Variants in ZNF280D observed in about 807,000 individuals in gnomAD.
The protein encoded by ZNF280D is suppressor of hairy wing homolog 4.
ZNF280D carries 39 observed loss-of-function variants against 94.7 expected under a neutral mutation model. The ratio of observed to expected loss-of-function variants is 0.41; its 90% CI spans 0.32 to 0.54. ZNF280D has a LOEUF of 0.54. Ranked by LOEUF, ZNF280D falls within the 20% of genes least tolerant of loss-of-function variation. ZNF280D has a pLI of 0.22. For synonymous variants in ZNF280D, 398 were observed against 377.6 expected (o/e 1.05, Z -0.63); for missense variants, 1,090 against 1,149.3 (o/e 0.95, Z 0.75).
At chr15:56,691,555 C>A (rs1029117419) in intron 7 of ZNF280D, among the ~76,000 whole-genome samples, 1 of 152,104 alleles carries the variant, frequency 6.6e-6, no homozygotes, top group South Asian at 2.1e-4. Context: ...TAACTTATTT[C>A]TCTGCTGTGT....
At chr15:56,667,099 A>G in intron 14 of ZNF280D, 113 bp from the exon 15 acceptor site, 1 of 740,564 alleles carries the variant, frequency 1.4e-6, no homozygotes, top group Non-Finnish European at 2.1e-6. Flanking sequence ...GCACATATAA[A>G]CTACAATCAG....
chr15:56,649,831 A>T (rs1031994842), intron 19 of ZNF280D, among the ~76,000 whole-genome samples: 1 of 152,066 alleles, frequency 6.6e-6, no homozygotes, highest in African/African-American at 2.4e-5. Context: ...AATATTTTAA[A>T]ATATAAGATT....
At chr15:56,677,220 T>C (rs553488889) in intron 12 of ZNF280D, among the ~76,000 whole-genome samples, 1 of 152,376 alleles carries the variant, frequency 6.6e-6, no homozygotes, top group African/African-American at 2.4e-5. Context: ...TGCTTTCCTC[T>C]TCCTTCAAAT....
chr15:56,670,083 T>TAC (rs56177317), intron 13 of ZNF280D, among the ~76,000 whole-genome samples: 27 of 100,660 alleles, frequency 2.7e-4, no homozygotes, highest in Middle Eastern at 4.7e-3. Flanking sequence ...TATATATATA[T>TAC]ACACATGCAC....
chr15:56,698,024 G>A (rs1394158724), intron 6 of ZNF280D: 2 of 152,276 alleles, frequency 1.3e-5, no homozygotes, highest in Middle Eastern at 3.4e-3. Flanking sequence ...AACTGGAAAA[G>A]GGAGTGTTTT....
chr15:56,717,233 A>G (rs1464117452), intron 1 of ZNF280D, among the ~76,000 whole-genome samples: 1 of 152,206 alleles, frequency 6.6e-6, no homozygotes, highest in Non-Finnish European at 1.5e-5. Flanking sequence ...AAAACCAAGT[A>G]AGGGTAAATA....
intron 13 of ZNF280D, among the ~76,000 whole-genome samples, chr15:56,672,535 A>T (rs1490429088): frequency 6.6e-6 from 1 of 152,100 alleles, no homozygotes; most frequent in East Asian, 1.9e-4. Flanking sequence ...AGCCTACTTG[A>T]TCATGGTGAA....
At chr15:56,635,084 C>T (rs2052282906) in intron 21 of ZNF280D, 111 bp downstream of exon 21, 2 of 523,548 alleles carry the variant, frequency 3.8e-6, no homozygotes, top group East Asian at 3.8e-5. Flanking sequence ...GAAAATAGCA[C>T]TATATACAAA....
At chr15:56,683,307 T>G (rs1444578079) in intron 9 of ZNF280D, among the ~76,000 whole-genome samples, 1 of 152,120 alleles carries the variant, frequency 6.6e-6, no homozygotes, top group African/African-American at 2.4e-5. Context: ...GTATCCTTGC[T>G]TATCCAAAAA....
intron 16 of ZNF280D, among the ~76,000 whole-genome samples, chr15:56,664,937 C>A (rs2054187008): frequency 6.6e-6 from 1 of 151,840 alleles, no homozygotes; most frequent in South Asian, 2.1e-4. Flanking sequence ...ATGGGTGCTA[C>A]TAGGCTGGAA....
chr15:56,733,370 AGC>A lies in ZNF280D; in HGVS notation c.-86+86_-86+87del, dbSNP rs2059001196. 3 of 771,668 alleles carry A rather than the reference AGC, an allele frequency of 3.9e-6. No individual in the cohort carries two copies. The South Asian group carries it at 1.7e-4, about 43-fold the overall frequency. The allele number at this position is 771,668 out of a possible 1,614,324, so 47.8% of individuals were successfully genotyped here. On this transcript the variant is annotated intron_variant, in intron 1 of 21. Coordinates refer to ENST00000267807, the MANE Select transcript of ZNF280D (RefSeq NM_017661.4). ...GCGCCGGCCTCAAGACCCCCAGTCC[AGC>A]GCCCCCGGAGTGAGGCGGCGCAGGC...
chr15:56,725,890 A>T (rs2058608047), intron 1 of ZNF280D, among the ~76,000 whole-genome samples: 2 of 152,194 alleles, frequency 1.3e-5, no homozygotes, highest in African/African-American at 2.4e-5. Flanking sequence ...CAAAGAAACA[A>T]GGCATACATC....
intron 19 of ZNF280D, among the ~76,000 whole-genome samples, chr15:56,649,953 C>A (rs1207845793): frequency 4.6e-5 from 7 of 151,848 alleles, no homozygotes; most frequent in Admixed American, 1.3e-4. Flanking sequence ...GCTATTTCAC[C>A]TTGAGAATAG....
chr15:56,706,948 T>C, intron 3 of ZNF280D, 134 bp downstream of exon 3: 1 of 759,648 alleles, frequency 1.3e-6, no homozygotes, highest in Non-Finnish European at 2.2e-6. Flanking sequence ...TGTTTTTATG[T>C]GAACATTTGT....
chr15:56,644,873 T>C (rs1375052430), intron 19 of ZNF280D, among the ~76,000 whole-genome samples: 1 of 152,176 alleles, frequency 6.6e-6, no homozygotes, highest in Non-Finnish European at 1.5e-5. Context: ...TTGAAATAAC[T>C]TGCATTAAGA....
intron 1 of ZNF280D, among the ~76,000 whole-genome samples, chr15:56,709,005 A>G (rs1183235752): frequency 2.0e-5 from 3 of 152,170 alleles, no homozygotes; most frequent in Non-Finnish European, 4.4e-5. Flanking sequence ...AAAATTGACA[A>G]ATGGGATCTA....
At position 56,676,736 on chromosome 15, in the gene ZNF280D, T is replaced by C. The variant is rs750502873; in HGVS notation, c.1344A>G (p.Leu448=). ...TAATAACTTTGAGGCAAAACGGGCA[T>C]AGCAAGTTCTTAGTGTTTTCATGGG... ...RTSHENTKNL[L]CPFCLKVIKI... is the part of the protein sequence containing the mutation. The change falls in exon 13 of 22, where the codon CTA becomes CTG. Residue 448 remains leucine, a synonymous_variant. Coordinates refer to ENST00000267807, the MANE Select transcript of ZNF280D (RefSeq NM_017661.4). 2 of 1,612,478 alleles carry C rather than the reference T, an allele frequency of 1.2e-6. No individual in the cohort carries two copies. The highest frequency in any genetic ancestry group is 1.7e-6 in the Non-Finnish European group (2 of 1,178,854).
chr15:56,668,142 G>A (rs976508118), intron 14 of ZNF280D: 3 of 454,972 alleles, frequency 6.6e-6, no homozygotes, highest in Non-Finnish European at 1.3e-5. Flanking sequence ...CACATTCAAA[G>A]GAAAGTACCC....
At chr15:56,656,555 C>G (rs2053566197) in intron 17 of ZNF280D, among the ~76,000 whole-genome samples, 1 of 152,072 alleles carries the variant, frequency 6.6e-6, no homozygotes, top group Non-Finnish European at 1.5e-5. Flanking sequence ...AATTATTTCC[C>G]TAGATTCAGT....
Sources: gnomAD v4.1 joint callset for allele counts (sites outside exome capture counted in the v4.1 genomes callset) on GRCh38, gnomAD v4.1.1 for gene constraint, MANE v1.5 for transcripts, NCBI Gene and HGNC (gene_info 2026-07-23, HGNC 2026-07-21) for gene names.